The following MAGT1 variants were observed in gnomAD, a reference collection of about 807,000 sequenced individuals.
The protein encoded by MAGT1 is dolichyl-diphosphooligosaccharide--protein glycosyltransferase subunit MAGT1.
MAGT1 carries 4 observed loss-of-function variants against 28.4 expected under a neutral mutation model. The ratio of observed to expected loss-of-function variants is 0.14; its 90% CI spans 0.07 to 0.32. MAGT1 has a LOEUF of 0.32. Ranked by LOEUF, MAGT1 falls within the 10% of genes least tolerant of loss-of-function variation. MAGT1 has a pLI of 1.00. For missense variants in MAGT1, 193 were observed against 264.5 expected, an observed-to-expected ratio of 0.73 and a Z score of 1.88; for synonymous variants, 89 against 89.7, an observed-to-expected ratio of 0.99 and a Z score of 0.04.
chrX:77,826,810 C>A lies in MAGT1; in HGVS notation c.*2410G>T, dbSNP rs782531727. On this transcript the variant is annotated 3_prime_UTR_variant, in exon 10 of 10. Transcript: ENST00000618282. ...ATAAGAACCACAGCATAGATTTGGCCTGAGACAAGTACAAGAATAGCAGGT... is the reference window on the plus strand; with the variant it reads ...ATAAGAACCACAGCATAGATTTGGCATGAGACAAGTACAAGAATAGCAGGT... 22 of 111,986 alleles carry A rather than the reference C, an allele frequency of 2.0e-4. No homozygotes were observed. The highest frequency in any genetic ancestry group is 6.1e-4 in the African/African-American group (19 of 30,934). The allele number at this position is 111,986 out of a possible 1,213,427, so 9.2% of individuals were successfully genotyped here.
At chrX:77,849,427 C>A (rs1557215310) in intron 7 of MAGT1, among the ~76,000 whole-genome samples, 1 of 110,497 alleles carries the variant, frequency 9.1e-6, no homozygotes, top group Admixed American at 9.7e-5. Flanking sequence ...GTAAAATAAA[C>A]CCATAGTGTT....
chrX:77,878,553 G>A (rs1292565349), intron 1 of MAGT1, among the ~76,000 whole-genome samples: 3 of 105,741 alleles, frequency 2.8e-5, no homozygotes, highest in Admixed American at 1.0e-4. Flanking sequence ...TTAGGAGGCC[G>A]AGATGGGTAG....
chrX:77,834,173 TATATATGC>T (rs1324041929), intron 8 of MAGT1, among the ~76,000 whole-genome samples: 2 of 102,482 alleles, frequency 2.0e-5, no homozygotes, highest in Non-Finnish European at 3.9e-5. Context: ...ACCATATATA[TATATATGC>T]ATATATGTAT....
chrX:77,835,392 A>T (rs1349402889), intron 8 of MAGT1, among the ~76,000 whole-genome samples: 2 of 112,154 alleles, frequency 1.8e-5, no homozygotes, highest in African/African-American at 6.5e-5. Context: ...ATCTCACCCC[A>T]GCTAAAATGG....
intron 2 of MAGT1, among the ~76,000 whole-genome samples, chrX:77,873,021 T>C (rs1362296181): frequency 8.9e-6 from 1 of 112,227 alleles, no homozygotes; most frequent in Non-Finnish European, 1.9e-5. Context: ...TCCATTAATT[T>C]GCATTTAATA....
At chrX:77,873,812 C>T (rs2077026084) in intron 2 of MAGT1, among the ~76,000 whole-genome samples, 1 of 111,322 alleles carries the variant, frequency 9.0e-6, no homozygotes, top group African/African-American at 3.3e-5. Context: ...ATCTACAATA[C>T]ATTAACTATG....
At chrX:77,829,400 G>A (rs1322626628) in intron 9 of MAGT1, among the ~76,000 whole-genome samples, 165 bp from the exon 10 acceptor site, 5 of 112,464 alleles carry the variant, frequency 4.4e-5, no homozygotes, top group Non-Finnish European at 9.4e-5. Flanking sequence ...TGAGAGACCC[G>A]TTAGTCTTAT....
chrX:77,866,023 G>A (rs2077008094), intron 3 of MAGT1, among the ~76,000 whole-genome samples: 2 of 65,835 alleles, frequency 3.0e-5, no homozygotes, highest in Admixed American at 2.1e-4. Flanking sequence ...GCCAGGTGTG[G>A]TGGCGCGTGC....
At chrX:77,884,481 G>A (rs1192495922) in intron 1 of MAGT1, among the ~76,000 whole-genome samples, 1 of 111,019 alleles carries the variant, frequency 9.0e-6, no homozygotes, top group African/African-American at 3.3e-5. Context: ...AAACAGGATT[G>A]GAGAGGTTAA....
At chrX:77,885,991 A>T (rs946311340) in intron 1 of MAGT1, among the ~76,000 whole-genome samples, 8 of 110,970 alleles carry the variant, frequency 7.2e-5, no homozygotes, top group South Asian at 3.8e-4. Context: ...AAAATAAAAT[A>T]AAAAAATCTC....
Position 77,846,375 on chromosome X carries a change from C to T in MAGT1, c.827-5055G>A, listed in dbSNP as rs1297794252. Reference sequence around the variant, plus strand: ...GTTTTTAACTTCTTTGCCATGGGTTCGAACTTCCTCCTTTAGCTCGGAGAA... The same window carrying T: ...GTTTTTAACTTCTTTGCCATGGGTTTGAACTTCCTCCTTTAGCTCGGAGAA... On this transcript the variant is annotated intron_variant, in intron 7 of 9. Transcript: ENST00000618282. Among the ~76,000 whole-genome samples, 5 of 111,599 alleles carry T rather than the reference C, an allele frequency of 4.5e-5. No homozygotes were observed. In the Middle Eastern group the frequency reaches 0.014, roughly 311 times the overall value.
At chrX:77,867,717 T>C (rs2077011251) in intron 3 of MAGT1, among the ~76,000 whole-genome samples, 1 of 66,825 alleles carries the variant, frequency 1.5e-5, no homozygotes, top group Admixed American at 2.1e-4. Flanking sequence ...AGGAGTGTCA[T>C]ATTTTCTGCC....
At chrX:77,834,727 C>A (rs1557213742) in intron 8 of MAGT1, among the ~76,000 whole-genome samples, 1 of 110,290 alleles carries the variant, frequency 9.1e-6, no homozygotes, top group Admixed American at 9.9e-5. Flanking sequence ...TTGAGTAATA[C>A]CCCAGAAGCA....
At chrX:77,882,841 C>A (rs1557218599) in intron 1 of MAGT1, among the ~76,000 whole-genome samples, 1 of 106,930 alleles carries the variant, frequency 9.4e-6, no homozygotes, top group Non-Finnish European at 1.9e-5. Context: ...GTGGCATGTG[C>A]CTGTAGTCCC....
intron 2 of MAGT1, among the ~76,000 whole-genome samples, chrX:77,873,199 C>T (rs2077024621): frequency 1.8e-5 from 2 of 111,834 alleles, no homozygotes; most frequent in South Asian, 7.4e-4. Context: ...ATATTCAGCA[C>T]ATACTCCACA....
chrX:77,833,042 C>G (rs1423711657), intron 8 of MAGT1, among the ~76,000 whole-genome samples: 2 of 111,388 alleles, frequency 1.8e-5, no homozygotes, highest in African/African-American at 6.5e-5. Context: ...TATAATCACG[C>G]TGTTTGAGGC....
At chrX:77,883,115 A>C (rs1248565886) in intron 1 of MAGT1, among the ~76,000 whole-genome samples, 1 of 102,432 alleles carries the variant, frequency 9.8e-6, no homozygotes, top group Non-Finnish European at 2.0e-5. Context: ...ACATAATTAT[A>C]TTATAATATA....
chrX:77,862,018 A>C (rs1422773704), intron 3 of MAGT1, among the ~76,000 whole-genome samples: 1 of 111,556 alleles, frequency 9.0e-6, no homozygotes, highest in Non-Finnish European at 1.9e-5. Context: ...TGTACATTTA[A>C]AAAATGGTAA....
At chrX:77,868,501 G>T (rs1272523098) in intron 3 of MAGT1, 2 of 150,340 alleles carry the variant, frequency 1.3e-5, no homozygotes, top group Non-Finnish European at 2.6e-5. Context: ...GCCAGGCGTG[G>T]TGGTGGGCAC....
Sources: allele counts gnomAD v4.1 joint callset (sites outside exome capture counted in the v4.1 genomes callset), GRCh38; gene constraint gnomAD v4.1.1; transcripts MANE v1.5; gene names NCBI Gene and HGNC (gene_info 2026-07-23, HGNC 2026-07-21).